LYPLAL1: variants seen among roughly 807,000 people sequenced by gnomAD.
LYPLAL1 encodes lysophospholipase-like protein 1.
In LYPLAL1, 23 loss-of-function variants were observed where a neutral mutation model predicts 19.7. That is an observed-to-expected ratio of 1.17 (90% CI 0.84 to 1.65). The LOEUF (loss-of-function observed/expected upper bound fraction) is 1.65. Among genes scored for constraint, LYPLAL1 ranks in the 40% most tolerant of loss-of-function variants. LYPLAL1 has a pLI of 0.00. For synonymous variants in LYPLAL1, 119 were observed against 96.3 expected, an observed-to-expected ratio of 1.24 and a Z score of -1.38; for missense variants, 355 against 279.4, an observed-to-expected ratio of 1.27 and a Z score of -1.93.
the LYPLAL1 span, among the ~76,000 whole-genome samples, chr1:219,335,464 A>G: frequency 6.6e-6 from 1 of 151,890 alleles, no homozygotes; most frequent in Admixed American, 6.6e-5. Context: ...CTTTCATTTT[A>G]ACTTAGCTGA....
chr1:219,270,537 A>G, the LYPLAL1 span, among the ~76,000 whole-genome samples: 5 of 152,218 alleles, frequency 3.3e-5, no homozygotes, highest in Non-Finnish European at 7.3e-5. Context: ...TTCATTAAGC[A>G]GATGGGTTCT....
intron 2 of LYPLAL1, among the ~76,000 whole-genome samples, chr1:219,182,540 C>T (rs561696719): frequency 1.2e-4 from 19 of 152,056 alleles, no homozygotes; most frequent in African/African-American, 4.6e-4. Flanking sequence ...GTGATAGATA[C>T]GTGCCTTCCT....
At chr1:219,244,101 G>C in the LYPLAL1 span, among the ~76,000 whole-genome samples, 3 of 152,172 alleles carry the variant, frequency 2.0e-5, no homozygotes, top group South Asian at 4.2e-4. Flanking sequence ...CTATCGATTT[G>C]AGCCTTTTAA....
the LYPLAL1 span, among the ~76,000 whole-genome samples, chr1:219,430,339 C>T: frequency 6.9e-6 from 1 of 143,964 alleles, no homozygotes; most frequent in Non-Finnish European, 1.5e-5. Flanking sequence ...GTTCCAGATT[C>T]AATTCTGTGT....
chr1:219,236,693 C>G, the LYPLAL1 span, among the ~76,000 whole-genome samples: 2 of 152,100 alleles, frequency 1.3e-5, no homozygotes, highest in Admixed American at 1.3e-4. Flanking sequence ...GGATAGTCTA[C>G]TTGAACTTTT....
chr1:219,375,240 G>C, the LYPLAL1 span, among the ~76,000 whole-genome samples: 1 of 152,174 alleles, frequency 6.6e-6, no homozygotes, highest in African/African-American at 2.4e-5. Flanking sequence ...GCCAAGGCAG[G>C]CAGATCACCT....
At chr1:219,436,274 T>G in the LYPLAL1 span, among the ~76,000 whole-genome samples, 2 of 152,230 alleles carry the variant, frequency 1.3e-5, no homozygotes, top group Non-Finnish European at 2.9e-5. Flanking sequence ...ACTTTATGTC[T>G]TTAAAGAACT....
chr1:219,411,462 A>G, the LYPLAL1 span, among the ~76,000 whole-genome samples: 2 of 152,140 alleles, frequency 1.3e-5, no homozygotes, highest in Non-Finnish European at 2.9e-5. Flanking sequence ...GGGGAGGTGG[A>G]GAACCTTTGT....
At chr1:219,381,265 TTTCCTC>T in the LYPLAL1 span, among the ~76,000 whole-genome samples, 2 of 152,178 alleles carry the variant, frequency 1.3e-5, no homozygotes, top group East Asian at 1.9e-4. Context: ...AAGAAGTCCC[TTTCCTC>T]TTCCTCCATC....
At chr1:219,309,030 C>T in the LYPLAL1 span, among the ~76,000 whole-genome samples, 31 of 152,132 alleles carry the variant, frequency 2.0e-4, no homozygotes, top group East Asian at 1.9e-4. Context: ...GCCACAGGGG[C>T]GGAATTGCCC....
the LYPLAL1 span, among the ~76,000 whole-genome samples, chr1:219,352,627 A>T: frequency 2.0e-5 from 3 of 152,210 alleles, no homozygotes; most frequent in African/African-American, 7.2e-5. Flanking sequence ...AAAGGTTACC[A>T]TTTATTAGTA....
chr1:219,190,800 A>G (rs1049796014), intron 2 of LYPLAL1, among the ~76,000 whole-genome samples: 5 of 151,622 alleles, frequency 3.3e-5, no homozygotes, highest in Admixed American at 6.6e-5. Flanking sequence ...AGCAAATGAC[A>G]TCAGTCAGCA....
the LYPLAL1 span, among the ~76,000 whole-genome samples, chr1:219,377,868 C>A: frequency 6.6e-6 from 1 of 152,190 alleles, no homozygotes; most frequent in Admixed American, 6.5e-5. Flanking sequence ...CCACAGATAG[C>A]CAAACATTTT....
At chr1:219,194,048 A>T (rs1451239745) in intron 3 of LYPLAL1, among the ~76,000 whole-genome samples, 1 of 151,886 alleles carries the variant, frequency 6.6e-6, no homozygotes, top group Non-Finnish European at 1.5e-5. Flanking sequence ...CTTTGTGTTT[A>T]TTGAAGTGCT....
chr1:219,340,012 T>A, the LYPLAL1 span, among the ~76,000 whole-genome samples: 1 of 152,032 alleles, frequency 6.6e-6, no homozygotes, highest in Non-Finnish European at 1.5e-5. Context: ...TTCTCCAGGA[T>A]TCTAAGACTC....
chr1:219,174,217 C>T (rs568878655), intron 1 of LYPLAL1: 2 of 1,395,532 alleles, frequency 1.4e-6, no homozygotes, highest in South Asian at 1.5e-5. Flanking sequence ...GCTTTGGGGC[C>T]TTGTGTCCCG....
chr1:219,350,936 G>A, the LYPLAL1 span, among the ~76,000 whole-genome samples: 1 of 152,086 alleles, frequency 6.6e-6, no homozygotes, highest in Non-Finnish European at 1.5e-5. Context: ...CTGCAAGAGG[G>A]TGAGGAGCCC....
chr1:219,356,973 C>G, the LYPLAL1 span, among the ~76,000 whole-genome samples: 22 of 152,172 alleles, frequency 1.4e-4, no homozygotes, highest in Admixed American at 1.4e-3. Flanking sequence ...ATATCACCGT[C>G]AATGTCATCA....
At chr1:219,376,021 G>A in the LYPLAL1 span, among the ~76,000 whole-genome samples, 11 of 152,168 alleles carry the variant, frequency 7.2e-5, no homozygotes, top group South Asian at 2.1e-4. Context: ...GATTACAGCC[G>A]TGAGCCACTG....
Sources: gnomAD v4.1 joint callset for allele counts (sites outside exome capture counted in the v4.1 genomes callset) on GRCh38, gnomAD v4.1.1 for gene constraint, MANE v1.5 for transcripts, NCBI Gene and HGNC (gene_info 2026-07-23, HGNC 2026-07-21) for gene names.